SYNE2: variants seen among roughly 807,000 people sequenced by gnomAD.
SYNE2 encodes the protein spectrin repeat containing nuclear envelope protein 2.
A neutral mutation model predicts 856.3 loss-of-function variants in SYNE2; 431 were observed. That is an observed-to-expected ratio of 0.50 (90% confidence interval 0.47 to 0.55). The LOEUF (loss-of-function observed/expected upper bound fraction) is 0.55. Ranked by LOEUF, SYNE2 falls within the 20% of genes least tolerant of loss-of-function variation. SYNE2 has a pLI of 0.00. For synonymous variants in SYNE2, 2,923 were observed against 2,872.3 expected, an observed-to-expected ratio of 1.02 and a Z score of -0.56; for missense variants, 8,129 against 8,023.2, an observed-to-expected ratio of 1.01 and a Z score of -0.50.
chr14:63,893,252 T>C (rs2095175815), intron 1 of SYNE2, among the ~76,000 whole-genome samples: 1 of 152,062 alleles, frequency 6.6e-6, no homozygotes, highest in African/African-American at 2.4e-5. Context: ...ACGGAGAAGC[T>C]GAAGGTTATA....
At chr14:64,004,236 A>T (rs570892160) in intron 30 of SYNE2, among the ~76,000 whole-genome samples, 1 of 139,470 alleles carries the variant, frequency 7.2e-6, no homozygotes, top group African/African-American at 2.7e-5. Context: ...GGTTTTCACC[A>T]TATTGGCCAG....
intron 1 of SYNE2, among the ~76,000 whole-genome samples, chr14:63,769,250 T>C (rs942404520): frequency 1.3e-5 from 2 of 152,114 alleles, no homozygotes; most frequent in Non-Finnish European, 1.5e-5. Flanking sequence ...GGGAACAATC[T>C]AAGAATAGAG....
chr14:64,010,099 A>G lies in SYNE2; in HGVS notation c.4711A>G (p.Lys1571Glu). 1 of 1,613,216 alleles carries G rather than the reference A, an allele frequency of 6.2e-7. No homozygotes were observed. The highest frequency in any genetic ancestry group is 8.5e-7 in the Non-Finnish European group (1 of 1,179,518). Reference sequence around the variant, plus strand: ...TTCGTACATGGGAAAGGAGAACCTGAAGAAAAGGATAGCAGAGGTGAGTCC... The same window carrying G: ...TTCGTACATGGGAAAGGAGAACCTGGAGAAAAGGATAGCAGAGGTGAGTCC... The part of the protein sequence containing the change: ...QASYMGKENL[K>E]KRIAEIEIVK... The change falls in exon 32 of 116, where the codon AAG becomes GAG. Residue 1571 changes from lysine (K) to glutamate (E), a missense_variant. By Grantham distance (56) the Lys-to-Glu change is moderately conservative. Around this residue, in one of 3 missense-constraint regions of SYNE2, gnomAD observed 2,422 missense variants for 2,357.4 expected, o/e 1.03. Transcript: ENST00000555002.
rs369312246 is a variant in SYNE2 at position 63,976,698 on chromosome 14, C to G, written c.1264C>G (p.Leu422Val). The G allele has an allele frequency of 6.8e-6, 11 of 1,612,436 alleles. No individual in the cohort carries two copies. Among genetic ancestry groups the G allele is most frequent in the Non-Finnish European group, 9.3e-6 (11 of 1,179,758 alleles). Residue 422 changes from leucine (L) to valine (V), a missense_variant, in exon 12 of 116, where the codon CTG becomes GTG. By Grantham distance (32) the Leu-to-Val change is conservative. Around this residue, in one of 3 missense-constraint regions of SYNE2, gnomAD observed 2,422 missense variants for 2,357.4 expected, o/e 1.03. Coordinates refer to ENST00000555002, the MANE Select transcript of SYNE2 (RefSeq NM_182914.3). ...ASQDHSQAVT[L>V]IQEKMTLFKS... ...CCAGGATCACTCTCAAGCCGTGACT[C>G]TGATACAAGAGAAAATGACTTTATT...
At chr14:63,893,376 T>C (rs1257628138) in intron 1 of SYNE2, among the ~76,000 whole-genome samples, 3 of 151,944 alleles carry the variant, frequency 2.0e-5, no homozygotes, top group East Asian at 1.9e-4. Context: ...CTGGGCAACA[T>C]TGTGAGACCT....
At chr14:64,174,183 G>A (rs1003362272) in intron 94 of SYNE2, among the ~76,000 whole-genome samples, 1 of 151,720 alleles carries the variant, frequency 6.6e-6, no homozygotes, top group African/African-American at 2.4e-5. Context: ...GTGATTCTTG[G>A]GACTCAGCCT....
Position 64,203,525 on chromosome 14 carries a change from TGC to T in SYNE2, c.18201+563_18201+564del, listed in dbSNP as rs749718281. 2.6e-5 allele frequency among the ~76,000 whole-genome samples: 4 copies of T among 152,360 alleles called. No individual in the cohort carries two copies. The East Asian group carries it at 7.7e-4, about 29-fold the overall frequency. Reference sequence around the variant, plus strand: ...GGGCAGTTTGAAAGCTGCTGAGTTCTGCCAGTGTTTCTCATTGTACCCACCTG... The same window carrying T: ...GGGCAGTTTGAAAGCTGCTGAGTTCTCAGTGTTTCTCATTGTACCCACCTG... On this transcript the variant is annotated intron_variant, in intron 100 of 115. Transcript: ENST00000555002.
chr14:64,089,486 AAG>A lies in SYNE2; in HGVS notation c.11671-84_11671-83del, dbSNP rs914004260. The A allele has an allele frequency of 3.4e-5, 47 of 1,362,658 alleles. No individual in the cohort carries two copies. The African/African-American group carries it at 5.7e-4, about 17-fold the overall frequency. The allele number at this position is 1,362,658 out of a possible 1,614,324, so 84.4% of individuals were successfully genotyped here. On this transcript the variant is annotated intron_variant, in intron 58 of 115. Transcript: ENST00000555002. Reference sequence around the variant, plus strand: ...GATGGCAGACATTATTTGGCTAAATAAGAGAATAAAATTAATGCCAATAAACT... The same window carrying A: ...GATGGCAGACATTATTTGGCTAAATAAGAATAAAATTAATGCCAATAAACT...
Position 64,051,841 on chromosome 14 carries a change from A to C in SYNE2, c.7928A>C (p.Gln2643Pro). The C allele has an allele frequency of 6.2e-7, 1 of 1,614,136 alleles. No homozygotes were observed. The highest frequency in any genetic ancestry group is 8.5e-7 in the Non-Finnish European group (1 of 1,180,042). The change falls in exon 48 of 116, where the codon CAA becomes CCA. Residue 2643 changes from glutamine (Q) to proline (P), a missense_variant. This residue lies in a region of SYNE2 where 5,410 missense variants were observed against 5,284.8 expected (regional missense o/e 1.02). Coordinates refer to ENST00000555002, the MANE Select transcript of SYNE2 (RefSeq NM_182914.3). ...GTACAGGACACTGAGATTTCTCTGC[A>C]ACAGCAGCAGCAACATCTACAGTTA... ...NKVQDTEISL[Q>P]QQQQHLQLRL...
rs1050959032 is a variant in SYNE2 at position 64,053,485 on chromosome 14, A to G, written c.9572A>G (p.Asn3191Ser). 1.2e-6 allele frequency: 2 copies of G among 1,614,094 alleles called. No homozygotes were observed. Among genetic ancestry groups the G allele is most frequent in the African/African-American group, 2.7e-5 (2 of 74,944 alleles). The change falls in exon 48 of 116, where the codon AAT becomes AGT. Residue 3191 changes from asparagine to serine, a missense_variant. Coordinates refer to ENST00000555002, the MANE Select transcript of SYNE2 (RefSeq NM_182914.3). ...AAACATATTCAAAATGAAAAGGACAATTGTGAAGCATTTCAGGAGCAAGTT... is the reference window on the plus strand; with the variant it reads ...AAACATATTCAAAATGAAAAGGACAGTTGTGAAGCATTTCAGGAGCAAGTT... ...EIKHIQNEKD[N>S]CEAFQEQVWA...
At chr14:64,145,760 A>C (rs1026537921) in intron 83 of SYNE2, among the ~76,000 whole-genome samples, 1 of 152,180 alleles carries the variant, frequency 6.6e-6, no homozygotes, top group South Asian at 2.1e-4. Flanking sequence ...ACATATATTA[A>C]TAGATGACAC....
intron 1 of SYNE2, among the ~76,000 whole-genome samples, chr14:63,770,814 C>T (rs144706807): frequency 6.6e-6 from 1 of 152,024 alleles, no homozygotes; most frequent in Non-Finnish European, 1.5e-5. Flanking sequence ...CTGTGCCCAA[C>T]CAAACATTTT....
At chr14:63,926,641 C>G (rs949234763) in intron 2 of SYNE2, among the ~76,000 whole-genome samples, 3 of 152,164 alleles carry the variant, frequency 2.0e-5, no homozygotes, top group African/African-American at 7.2e-5. Context: ...GACCTCTGGT[C>G]TAAGTCAGTA....
chr14:64,059,775 C>T (rs188983256), intron 49 of SYNE2, among the ~76,000 whole-genome samples: 5 of 152,330 alleles, frequency 3.3e-5, no homozygotes, highest in Non-Finnish European at 7.3e-5. Flanking sequence ...CGAGTTGCCC[C>T]GCACCTAGGT....
chr14:63,929,357 A>T (rs757806610), intron 2 of SYNE2, among the ~76,000 whole-genome samples: 6 of 152,234 alleles, frequency 3.9e-5, no homozygotes, highest in Non-Finnish European at 4.4e-5. Flanking sequence ...CATACAATAT[A>T]CCAATAACAA....
At chr14:63,956,275 A>G (rs1435335102) in intron 8 of SYNE2, among the ~76,000 whole-genome samples, 1 of 152,152 alleles carries the variant, frequency 6.6e-6, no homozygotes, top group East Asian at 1.9e-4. Flanking sequence ...TCATACAGAT[A>G]CAATAGACAG....
At chr14:64,037,377 T>A (rs2097099784) in intron 45 of SYNE2, among the ~76,000 whole-genome samples, 1 of 151,236 alleles carries the variant, frequency 6.6e-6, no homozygotes. Flanking sequence ...ACAAAGCACA[T>A]CTTGCACCGC....
At chr14:63,835,566 CGTGT>C (rs10557777) in intron 1 of SYNE2, among the ~76,000 whole-genome samples, 14,305 of 148,834 alleles carry the variant, frequency 0.096, 709 homozygotes, top group Middle Eastern at 0.14. Context: ...TAGATATTTG[CGTGT>C]GTGTGTGTGT....
At position 63,791,609 on chromosome 14, in the gene SYNE2, A is replaced by C. The variant is rs111246570; in HGVS notation, c.-305+29623A>C. 5.7e-3 allele frequency among the ~76,000 whole-genome samples: 867 copies of C among 152,322 alleles called. 5 individuals are homozygous for C. Among genetic ancestry groups the C allele is most frequent in the African/African-American group, 0.019 (802 of 41,580 alleles). ...CCTGAAGTAACTGTGATAAAGAAGC[A>C]TACTGCAATCCCTATAGCAATTGGT... On this transcript the variant is annotated intron_variant, in intron 1 of 23. Transcript: ENST00000674003.
Sources: allele counts gnomAD v4.1 joint callset (sites outside exome capture counted in the v4.1 genomes callset), GRCh38; gene constraint gnomAD v4.1.1; regional missense constraint gnomAD v4.1.1; transcripts MANE v1.5; gene names NCBI Gene and HGNC (gene_info 2026-07-23, HGNC 2026-07-21).